WASF2: variants seen among roughly 807,000 people sequenced by gnomAD.
WASF2 encodes WASP family member 2.
In WASF2, 14 loss-of-function variants were observed where a neutral mutation model predicts 45.0. The ratio of observed to expected loss-of-function variants is 0.31; its 90% CI spans 0.21 to 0.49. WASF2 has a LOEUF of 0.49. Ranked by LOEUF, WASF2 falls within the 20% of genes least tolerant of loss-of-function variation. WASF2 has a pLI of 0.99. For missense variants in WASF2, 439 were observed against 636.1 expected (o/e 0.69, Z 3.33); for synonymous variants, 200 against 236.3 (o/e 0.85, Z 1.41).
chr1:27,438,409 C>A (rs2017165746), intron 1 of WASF2, among the ~76,000 whole-genome samples: 2 of 152,188 alleles, frequency 1.3e-5, no homozygotes, highest in African/African-American at 4.8e-5. Flanking sequence ...GCACATCAGG[C>A]ACTAAGTCTC....
chr1:27,465,096 T>A lies in WASF2; in HGVS notation c.-44+24890A>T, dbSNP rs577155091. 8.5e-5 allele frequency among the ~76,000 whole-genome samples: 13 copies of A among 152,358 alleles called. No individual in the cohort carries two copies. In the South Asian group the frequency reaches 1.7e-3, roughly 19 times the overall value. On this transcript the variant is annotated intron_variant, in intron 1 of 8. Transcript: ENST00000618852. ...GAAACACATTCTGACTGGCTGAGAC[T>A]GCCAGATGTCTGACTTTCAGATGCT... is the stretch of plus-strand genomic sequence containing the variant.
rs374675298 is a variant in WASF2 at position 27,407,041 on chromosome 1, A to C, written c.*1148T>G. On this transcript the variant is annotated 3_prime_UTR_variant, in exon 9 of 9. Transcript: ENST00000618852. ...GGTTGGCTGGTGACAGAAAAGGGGC[A>C]ACAAAGAATGACAAGAGAGGCTATG... is the stretch of plus-strand genomic sequence containing the variant. 1.3e-5 allele frequency: 2 copies of C among 152,394 alleles called. No homozygotes were observed. Among genetic ancestry groups the C allele is most frequent in the African/African-American group, 4.8e-5 (2 of 41,454 alleles). 9.4% of individuals were successfully genotyped at this position (152,394 alleles called of 1,614,324 possible). A position where few individuals can be genotyped will look rare whatever the true frequency, so the allele number is the denominator to read the frequency against.
At chr1:27,476,623 A>AGAG (rs2017770192) in intron 1 of WASF2, among the ~76,000 whole-genome samples, 1 of 152,232 alleles carries the variant, frequency 6.6e-6, no homozygotes, top group Admixed American at 6.5e-5. Flanking sequence ...GCTTCTGAAA[A>AGAG]GAGCAAATAA....
intron 1 of WASF2, among the ~76,000 whole-genome samples, chr1:27,487,650 A>ATTATATAATATATATTATATATATT (rs2017960205): frequency 1.0e-5 from 1 of 99,272 alleles, no homozygotes; most frequent in Non-Finnish European, 1.9e-5. Flanking sequence ...TATATTATAT[A>ATTATATAATATATATTATATATATT]TTATATAATA....
At chr1:27,438,775 A>C (rs928450894) in intron 1 of WASF2, among the ~76,000 whole-genome samples, 3 of 152,212 alleles carry the variant, frequency 2.0e-5, no homozygotes. Flanking sequence ...GGAATTATGG[A>C]GCAAATTGCC....
chr1:27,461,524 C>T (rs896409268), intron 1 of WASF2, among the ~76,000 whole-genome samples: 3 of 150,004 alleles, frequency 2.0e-5, no homozygotes, highest in African/African-American at 4.9e-5. Flanking sequence ...GCAGTGACGA[C>T]GGATCTTGGC....
intron 4 of WASF2, among the ~76,000 whole-genome samples, chr1:27,416,674 C>T (rs889722473): frequency 6.6e-6 from 1 of 152,220 alleles, no homozygotes; most frequent in Non-Finnish European, 1.5e-5. Flanking sequence ...CCTTCTAGAA[C>T]AGCTCAGCAT....
Position 27,406,367 on chromosome 1 carries a change from A to G in WASF2, c.*1822T>C, listed in dbSNP as rs1008527047. On this transcript the variant is annotated 3_prime_UTR_variant, in exon 9 of 9. Transcript: ENST00000618852. ...AGCAAGACGGCATGCTGTCCCCTAC[A>G]GGCTCAGTCCCCACACCCTGAGTTC... 2.0e-5 allele frequency: 3 copies of G among 152,900 alleles called. No homozygotes were observed. The highest frequency in any genetic ancestry group is 4.4e-5 in the Non-Finnish European group (3 of 68,402). The allele number at this position is 152,900 out of a possible 1,614,324, so 9.5% of individuals were successfully genotyped here. A position where few individuals can be genotyped will look rare whatever the true frequency, so the allele number is the denominator to read the frequency against.
intron 1 of WASF2, among the ~76,000 whole-genome samples, chr1:27,446,781 C>CAAA (rs397938564): frequency 1.6e-5 from 2 of 121,498 alleles, no homozygotes; most frequent in African/African-American, 3.1e-5. Context: ...AGCCTGTCTC[C>CAAA]AAAAAAAAAA....
chr1:27,490,126 G>A lies in WASF2; in HGVS notation c.-184C>T, dbSNP rs1369662270. The A allele has an allele frequency of 2.0e-5, 3 of 152,542 alleles. No individual in the cohort carries two copies. The highest frequency in any genetic ancestry group is 6.5e-5 in the Admixed American group (1 of 15,310). 9.4% of individuals were successfully genotyped at this position (152,542 alleles called of 1,614,324 possible). On this transcript the variant is annotated 5_prime_UTR_variant, in exon 1 of 9. Coordinates refer to ENST00000618852, the MANE Select transcript of WASF2 (RefSeq NM_006990.5). ...GCGCGCTACGCCCCCAGCCGCGCTC[G>A]CCCTGCCTGTGTCCGCCATTACGCG...
At chr1:27,487,500 T>C (rs1375153331) in intron 1 of WASF2, among the ~76,000 whole-genome samples, 1 of 110,068 alleles carries the variant, frequency 9.1e-6, no homozygotes, top group African/African-American at 3.7e-5. Context: ...TATATAATAT[T>C]ATAATATATG....
At chr1:27,413,176 C>T (rs1370451344) in intron 6 of WASF2, among the ~76,000 whole-genome samples, 1 of 152,148 alleles carries the variant, frequency 6.6e-6, no homozygotes, top group East Asian at 1.9e-4. Context: ...CTGGAGAGCT[C>T]GAAGGCCAAG....
rs139463990 is a variant in WASF2 at position 27,462,432 on chromosome 1, G to A, written c.-44+27554C>T. Among the ~76,000 whole-genome samples the A allele has an allele frequency of 4.9e-3, 747 of 151,960 alleles. 6 individuals are homozygous for A. The highest frequency in any genetic ancestry group is 0.017 in the African/African-American group (715 of 41,426). On this transcript the variant is annotated intron_variant, in intron 1 of 8. Transcript: ENST00000618852. ...ACTATTATTATCTAATGTAAAGTTC[G>A]TATCTTTTACCCGTTGTCTCACTAA... is the stretch of plus-strand genomic sequence containing the variant.
rs569713639 is a variant in WASF2 at position 27,437,766 on chromosome 1, T to C, written c.-43-8833A>G. 2.0e-5 allele frequency among the ~76,000 whole-genome samples: 3 copies of C among 152,328 alleles called. No homozygotes were observed. In the South Asian group the frequency reaches 6.2e-4, roughly 32 times the overall value. On this transcript the variant is annotated intron_variant, in intron 1 of 8. Transcript: ENST00000618852. Reference sequence around the variant, plus strand: ...ATAATTGTACTTATAAATGGAGAAATCTTACCCTTTACTCCTAATAAGGTA... The same window carrying C: ...ATAATTGTACTTATAAATGGAGAAACCTTACCCTTTACTCCTAATAAGGTA...
At chr1:27,468,443 C>A (rs1436845162) in intron 1 of WASF2, among the ~76,000 whole-genome samples, 1 of 150,882 alleles carries the variant, frequency 6.6e-6, no homozygotes, top group Non-Finnish European at 1.5e-5. Flanking sequence ...GAGTTAGAGA[C>A]CAGCCTGACC....
At chr1:27,485,627 A>G (rs1358449356) in intron 1 of WASF2, among the ~76,000 whole-genome samples, 1 of 152,142 alleles carries the variant, frequency 6.6e-6, no homozygotes, top group Non-Finnish European at 1.5e-5. Flanking sequence ...TCTGTCTTCT[A>G]TGTAATATTG....
chr1:27,455,768 G>C (rs1222622685), intron 1 of WASF2, among the ~76,000 whole-genome samples: 1 of 152,040 alleles, frequency 6.6e-6, no homozygotes, highest in African/African-American at 2.4e-5. Flanking sequence ...TTGCTTCCAT[G>C]AAGCTATCCT....
At chr1:27,445,840 C>CT (rs557290282) in intron 1 of WASF2, among the ~76,000 whole-genome samples, 21,101 of 140,428 alleles carry the variant, frequency 0.15, 1,837 homozygotes, top group Non-Finnish European at 0.21. Flanking sequence ...TCATCAGGGA[C>CT]TTTTTTTTTT....
chr1:27,450,186 A>G (rs1017862144), intron 1 of WASF2, among the ~76,000 whole-genome samples: 2 of 41,294 alleles, frequency 4.8e-5, no homozygotes, highest in Non-Finnish European at 1.7e-4. Flanking sequence ...TACCGTGACA[A>G]CATGAGCTGT....
Sources: gnomAD v4.1 joint callset for allele counts (sites outside exome capture counted in the v4.1 genomes callset) on GRCh38, gnomAD v4.1.1 for gene constraint, MANE v1.5 for transcripts, NCBI Gene and HGNC (gene_info 2026-07-23, HGNC 2026-07-21) for gene names.